SMIM44: variants seen among roughly 807,000 people sequenced by gnomAD.
SMIM44 encodes the protein small integral membrane protein 44.
chr19:3,483,116 G>A, the SMIM44 span: 1 of 398,414 alleles, frequency 2.5e-6, no homozygotes, highest in African/African-American at 2.1e-5. Flanking sequence ...CCCCTCCTCA[G>A]CTAGGAGAAG....
At chr19:3,482,359 G>C in the SMIM44 span, among the ~76,000 whole-genome samples, 2 of 152,200 alleles carry the variant, frequency 1.3e-5, no homozygotes, top group Admixed American at 1.3e-4. Context: ...TCAGTCAGTT[G>C]TCTGGGCTTT....
chr19:3,483,042 AAC>A, the SMIM44 span: 44 of 398,418 alleles, frequency 1.1e-4, no homozygotes, highest in Non-Finnish European at 1.8e-4. Flanking sequence ...CTTCGGGCCA[AAC>A]GCCCAGTCTG....
At chr19:3,482,646 A>G in the SMIM44 span, among the ~76,000 whole-genome samples, 1 of 152,148 alleles carries the variant, frequency 6.6e-6, no homozygotes, top group Admixed American at 6.5e-5. Flanking sequence ...GGCTCTGCGT[A>G]TGTGAAAGTC....
At chr19:3,482,324 G>A in the SMIM44 span, among the ~76,000 whole-genome samples, 1 of 152,136 alleles carries the variant, frequency 6.6e-6, no homozygotes, top group African/African-American at 2.4e-5. Flanking sequence ...GGCAGGACCC[G>A]CCTTGGAGAT....
the SMIM44 span, chr19:3,482,748 C>T: frequency 2.5e-6 from 1 of 397,442 alleles, no homozygotes; most frequent in Admixed American, 4.4e-5. Context: ...AGGGCTCCGG[C>T]GCGCGTAAGT....
chr19:3,482,834 T>G, the SMIM44 span: 1 of 381,288 alleles, frequency 2.6e-6, no homozygotes, highest in Non-Finnish European at 4.6e-6. Flanking sequence ...AGAAGGAGCT[T>G]CGGGATGGGG....
At chr19:3,483,212 G>A in the SMIM44 span, 1 of 398,568 alleles carries the variant, frequency 2.5e-6, no homozygotes, top group African/African-American at 2.1e-5. Flanking sequence ...CGGCCAGGTC[G>A]TGGGCGAGGT....
At chr19:3,483,387 G>A in the SMIM44 span, 1 of 398,026 alleles carries the variant, frequency 2.5e-6, no homozygotes. Context: ...CTCCCCCTCG[G>A]CCGCCAGCCC....
the SMIM44 span, chr19:3,482,860 T>C: frequency 1.8e-3 from 374 of 212,486 alleles, 3 homozygotes; most frequent in East Asian, 0.021. Flanking sequence ...TTGAAGGCAA[T>C]GGAGGGGCGG....
the SMIM44 span, chr19:3,483,010 G>A: frequency 2.5e-6 from 1 of 398,362 alleles, no homozygotes; most frequent in East Asian, 3.6e-5. Flanking sequence ...CGCAGCTCCC[G>A]GGGTGCGGCC....
chr19:3,483,201 C>T, the SMIM44 span: 1 of 398,534 alleles, frequency 2.5e-6, no homozygotes, highest in Admixed American at 4.4e-5. Context: ...GGGCAGCTCA[C>T]CGGCCAGGTC....
At chr19:3,482,121 C>T in the SMIM44 span, among the ~76,000 whole-genome samples, 1 of 152,236 alleles carries the variant, frequency 6.6e-6, no homozygotes, top group South Asian at 2.1e-4. Context: ...ACCAGCCAGG[C>T]AGGCATCTAT....
At chr19:3,482,889 G>A in the SMIM44 span, 3 of 397,708 alleles carry the variant, frequency 7.5e-6, no homozygotes, top group East Asian at 3.6e-5. Flanking sequence ...CGGGGGAGGC[G>A]GGGGTTCAGA....
chr19:3,483,006 T>A, the SMIM44 span: 2 of 398,402 alleles, frequency 5.0e-6, no homozygotes, highest in Non-Finnish European at 4.4e-6. Flanking sequence ...GGGGCGCAGC[T>A]CCCGGGGTGC....
chr19:3,482,900 G>A, the SMIM44 span: 4 of 397,946 alleles, frequency 1.0e-5, no homozygotes, highest in Non-Finnish European at 1.8e-5. Context: ...GGGGTTCAGA[G>A]GGGGCTCCCT....
At chr19:3,482,901 G>A in the SMIM44 span, 1 of 397,936 alleles carries the variant, frequency 2.5e-6, no homozygotes, top group Non-Finnish European at 4.4e-6. Flanking sequence ...GGGTTCAGAG[G>A]GGGCTCCCTC....
At chr19:3,482,143 T>C in the SMIM44 span, among the ~76,000 whole-genome samples, 1 of 152,216 alleles carries the variant, frequency 6.6e-6, no homozygotes. Flanking sequence ...AAACTCTGAC[T>C]GTGTATCCCG....
chr19:3,482,428 C>T, the SMIM44 span, among the ~76,000 whole-genome samples: 1 of 152,238 alleles, frequency 6.6e-6, no homozygotes. Flanking sequence ...TCACTGCGTG[C>T]CTCGGTTTCC....
At chr19:3,483,367 A>C in the SMIM44 span, 8 of 397,978 alleles carry the variant, frequency 2.0e-5, no homozygotes, top group Non-Finnish European at 3.5e-5. Flanking sequence ...GACGGGCTCC[A>C]GCCCTCGGCC....
Sources: gnomAD v4.1 joint callset for allele counts (sites outside exome capture counted in the v4.1 genomes callset) on GRCh38, gnomAD v4.1.1 for gene constraint, MANE v1.5 for transcripts, NCBI Gene and HGNC (gene_info 2026-07-23, HGNC 2026-07-21) for gene names.